Variants in ERC2 observed in about 807,000 individuals in gnomAD.
ERC2 encodes ELKS/RAB6-interacting/CAST family member 2.
In ERC2, 42 loss-of-function variants were observed where a neutral mutation model predicts 114.8. That is an observed-to-expected ratio of 0.37 (90% CI 0.29 to 0.47). The LOEUF is 0.47. Ranked by LOEUF, ERC2 falls within the 20% of genes least tolerant of loss-of-function variation. ERC2 has a pLI of 0.99. For synonymous variants in ERC2, 454 were observed against 425.5 expected (o/e 1.07, Z -0.82); for missense variants, 939 against 1,150.7 (o/e 0.82, Z 2.66).
intron 7 of ERC2, among the ~76,000 whole-genome samples, chr3:56,063,320 A>G (rs2076326387): frequency 6.6e-6 from 1 of 152,246 alleles, no homozygotes; most frequent in South Asian, 2.1e-4. Context: ...TTGTTAAAAC[A>G]CATAGAACTG....
intron 6 of ERC2, among the ~76,000 whole-genome samples, chr3:56,082,568 G>C (rs1387340675): frequency 6.6e-6 from 1 of 152,060 alleles, no homozygotes; most frequent in Non-Finnish European, 1.5e-5. Flanking sequence ...GTCAAAGCCA[G>C]GGTTAGAACA....
chr3:55,785,085 A>G (rs1422145902), intron 14 of ERC2, among the ~76,000 whole-genome samples: 1 of 152,200 alleles, frequency 6.6e-6, no homozygotes, highest in Non-Finnish European at 1.5e-5. Flanking sequence ...CAGCTTCAGG[A>G]AAGACTTCTT....
chr3:55,761,986 C>T (rs2067478860), intron 14 of ERC2, among the ~76,000 whole-genome samples: 1 of 123,790 alleles, frequency 8.1e-6, no homozygotes, highest in Non-Finnish European at 1.6e-5. Flanking sequence ...CTCTCTCTCT[C>T]TCTCCTGCCA....
intron 14 of ERC2, among the ~76,000 whole-genome samples, chr3:55,818,992 T>C (rs1327605831): frequency 1.3e-5 from 2 of 152,254 alleles, no homozygotes; most frequent in East Asian, 3.8e-4. Flanking sequence ...CAAGATTGGC[T>C]GGCACTGGTG....
chr3:56,070,078 G>T (rs957363905), intron 7 of ERC2, among the ~76,000 whole-genome samples: 3 of 152,192 alleles, frequency 2.0e-5, no homozygotes, highest in Non-Finnish European at 4.4e-5. Context: ...TAGACATTTT[G>T]AATCATGGAC....
intron 2 of ERC2, among the ~76,000 whole-genome samples, chr3:56,396,857 G>A (rs1576753274): frequency 6.6e-6 from 1 of 151,994 alleles, no homozygotes; most frequent in East Asian, 1.9e-4. Flanking sequence ...CAATAACTAG[G>A]AATAGTGGCT....
At chr3:55,633,859 C>A (rs559832001) in intron 17 of ERC2, among the ~76,000 whole-genome samples, 1 of 152,178 alleles carries the variant, frequency 6.6e-6, no homozygotes, top group Non-Finnish European at 1.5e-5. Context: ...GATGCACATC[C>A]CTCCAGTCCC....
intron 17 of ERC2, among the ~76,000 whole-genome samples, chr3:55,600,023 A>C (rs1302061108): frequency 6.6e-6 from 1 of 152,228 alleles, no homozygotes; most frequent in Admixed American, 6.5e-5. Flanking sequence ...ACCCAGCAAA[A>C]ATGCAGTAAT....
intron 2 of ERC2, among the ~76,000 whole-genome samples, chr3:56,303,451 C>A (rs536512529): frequency 3.3e-4 from 51 of 152,332 alleles, no homozygotes; most frequent in African/African-American, 1.2e-3. Flanking sequence ...AAACATGCAG[C>A]TCTGGTATAC....
In ERC2 at chr3:55,787,145, G is replaced by A. The variant is rs544502662; in HGVS notation, c.2565-52227C>T. ...AAATAGTATGTGTCGGCTGGGGGGC[G>A]ATGGCTCACACCTGTAATCCTAGCA... On this transcript the variant is annotated intron_variant, in intron 14 of 17. Coordinates refer to ENST00000288221, the MANE Select transcript of ERC2 (RefSeq NM_015576.3). 5.4e-3 allele frequency among the ~76,000 whole-genome samples: 816 copies of A among 152,224 alleles called. 5 individuals are homozygous for A. Among genetic ancestry groups the A allele is most frequent in the Non-Finnish European group, 9.3e-3 (629 of 67,998 alleles).
chr3:56,013,018 A>G (rs967038202), intron 8 of ERC2, among the ~76,000 whole-genome samples: 1 of 152,148 alleles, frequency 6.6e-6, no homozygotes, highest in African/African-American at 2.4e-5. Context: ...GGCTTTCTCA[A>G]CTGCTTATCT....
intron 2 of ERC2, among the ~76,000 whole-genome samples, chr3:56,408,990 C>T (rs1356101498): frequency 6.6e-6 from 1 of 152,230 alleles, no homozygotes; most frequent in Non-Finnish European, 1.5e-5. Context: ...TCTCCATATC[C>T]AGGATCTCTT....
chr3:55,896,039 G>A (rs1411375150), intron 13 of ERC2, among the ~76,000 whole-genome samples: 1 of 152,162 alleles, frequency 6.6e-6, no homozygotes, highest in African/African-American at 2.4e-5. Flanking sequence ...CAGGTTCTGC[G>A]CTGGTATAGA....
At chr3:56,015,842 T>C (rs1006082639) in intron 8 of ERC2, among the ~76,000 whole-genome samples, 3 of 152,194 alleles carry the variant, frequency 2.0e-5, no homozygotes, top group African/African-American at 7.2e-5. Context: ...AAAGCATTCC[T>C]TTTTCTGCCC....
chr3:56,099,436 C>T (rs1055391198), intron 6 of ERC2, among the ~76,000 whole-genome samples: 2 of 152,182 alleles, frequency 1.3e-5, no homozygotes, highest in Non-Finnish European at 2.9e-5. Flanking sequence ...CAATGAAACA[C>T]CGTCCCTGCA....
chr3:55,764,585 C>T (rs751257181), intron 14 of ERC2, among the ~76,000 whole-genome samples: 1 of 152,196 alleles, frequency 6.6e-6, no homozygotes, highest in Non-Finnish European at 1.5e-5. Context: ...CTTCCTTTTC[C>T]AGACAGAGAA....
intron 14 of ERC2, among the ~76,000 whole-genome samples, chr3:55,876,812 C>G (rs908892130): frequency 1.3e-5 from 2 of 152,176 alleles, no homozygotes; most frequent in Non-Finnish European, 2.9e-5. Flanking sequence ...GTTCCATCCC[C>G]TGAGGATTTG....
At chr3:55,819,869 C>T (rs1418901007) in intron 14 of ERC2, among the ~76,000 whole-genome samples, 1 of 152,170 alleles carries the variant, frequency 6.6e-6, no homozygotes, top group Admixed American at 6.5e-5. Context: ...CCTGGGCTTC[C>T]TCTCCTTTCT....
intron 2 of ERC2, among the ~76,000 whole-genome samples, chr3:56,353,779 A>G (rs1365855355): frequency 1.4e-5 from 2 of 147,728 alleles, no homozygotes; most frequent in Admixed American, 1.4e-4. Context: ...CGTTGTGCAC[A>G]TGTACCCTAG....
Sources: gnomAD v4.1 joint callset for allele counts (sites outside exome capture counted in the v4.1 genomes callset) on GRCh38, gnomAD v4.1.1 for gene constraint, MANE v1.5 for transcripts, NCBI Gene and HGNC (gene_info 2026-07-23, HGNC 2026-07-21) for gene names.